Variants in CLASP1 observed in about 807,000 individuals in gnomAD.
CLASP1 encodes the protein CLIP-associating protein 1.
Under a neutral mutation model 192.3 loss-of-function variants are expected in CLASP1, and 38 were observed. The observed-to-expected ratio is 0.20, with a 90% CI of 0.15 to 0.26. CLASP1 has a LOEUF of 0.26. CLASP1 is among the 10% of genes least tolerant of loss of function. The probability of loss-of-function intolerance (pLI) is 1.00; values close to 1 mark genes in which losing one functional copy is unlikely to be tolerated. For missense variants in CLASP1, 1,433 were observed against 1,932.5 expected, an observed-to-expected ratio of 0.74 and a Z score of 4.85; for synonymous variants, 691 against 712.8, an observed-to-expected ratio of 0.97 and a Z score of 0.49.
At chr2:121,442,916 G>A (rs72969307) in intron 19 of CLASP1, among the ~76,000 whole-genome samples, 6,363 of 152,226 alleles carry the variant, frequency 0.042, 170 homozygotes, top group East Asian at 0.14. Flanking sequence ...TGGAAAACTC[G>A]TATTGAAAAG....
At chr2:121,407,972 C>G (rs2077166858) in intron 24 of CLASP1, 2 of 562,018 alleles carry the variant, frequency 3.6e-6, no homozygotes, top group South Asian at 3.2e-5. Context: ...TACAGGAAGA[C>G]AGACAGATCA....
intron 14 of CLASP1, among the ~76,000 whole-genome samples, chr2:121,457,458 T>TACAC (rs112547655): frequency 0.068 from 9,778 of 143,462 alleles, 578 homozygotes; most frequent in African/African-American, 0.16. Flanking sequence ...CACACAGACA[T>TACAC]ACACACACAC....
In CLASP1 at chr2:121,422,908, T is replaced by C. The variant is rs889753235; in HGVS notation, c.2212+2231A>G. Among the ~76,000 whole-genome samples the C allele has an allele frequency of 4.6e-5, 7 of 152,244 alleles. No homozygotes were observed. The East Asian group carries it at 5.8e-4, about 13-fold the overall frequency. ...GTTGGTTTGGGAATTATAGAAAATA[T>C]TCCTAAAAGATGTTCCTCCTCTTTT... On this transcript the variant is annotated intron_variant, in intron 22 of 39. Coordinates refer to ENST00000263710, the Ensembl canonical transcript of CLASP1.
At chr2:121,458,760 T>C in intron 13 of CLASP1, 80 bp downstream of exon 13, 2 of 1,113,528 alleles carry the variant, frequency 1.8e-6, no homozygotes, top group Non-Finnish European at 2.4e-6. Context: ...ATAATTATGT[T>C]AACAAAAATG....
chr2:121,529,139 T>C (rs1453929642), intron 3 of CLASP1, among the ~76,000 whole-genome samples: 1 of 152,220 alleles, frequency 6.6e-6, no homozygotes, highest in Non-Finnish European at 1.5e-5. Flanking sequence ...CTCCAGTATA[T>C]GTGTTTGGGG....
intron 31 of CLASP1, 50 bp from the exon 33 acceptor site, chr2:121,387,278 A>G (rs547402686): frequency 1.6e-6 from 2 of 1,221,838 alleles, no homozygotes; most frequent in Non-Finnish European, 2.2e-6. Context: ...TATATAGAAT[A>G]TATTCTATTC....
At chr2:121,394,122 C>A (rs1278653318) in intron 30 of CLASP1, among the ~76,000 whole-genome samples, 1 of 152,126 alleles carries the variant, frequency 6.6e-6, no homozygotes, top group African/African-American at 2.4e-5. Flanking sequence ...CCTCTCCCAC[C>A]CTTAGAGTGA....
intron 8 of CLASP1, among the ~76,000 whole-genome samples, chr2:121,501,070 T>G (rs1008228555): frequency 6.6e-6 from 1 of 152,206 alleles, no homozygotes; most frequent in African/African-American, 2.4e-5. Flanking sequence ...ATAGGGTATA[T>G]GTACACACTC....
At position 121,448,906 on chromosome 2, in the gene CLASP1, TA is replaced by T. The variant is rs2084892534; in HGVS notation, c.1691+46del. On this transcript the variant is annotated intron_variant, in intron 17 of 39. Coordinates refer to ENST00000263710, the Ensembl canonical transcript of CLASP1. ...TTTGTGTTTTCATGTGACAAACTTT[TA>T]AATACAAATTCTCACATGAATGATA... 3.8e-6 allele frequency: 6 copies of T among 1,572,760 alleles called. No individual in the cohort carries two copies. The African/African-American group carries it at 8.1e-5, about 21-fold the overall frequency.
chr2:121,455,767 C>T (rs117877967), intron 14 of CLASP1, among the ~76,000 whole-genome samples: 5,784 of 152,122 alleles, frequency 0.038, 157 homozygotes, highest in East Asian at 0.14. Flanking sequence ...GAGACTGAGG[C>T]GGGAGGATCA....
intron 37 of CLASP1, among the ~76,000 whole-genome samples, chr2:121,357,541 G>C (rs991040010): frequency 2.6e-5 from 4 of 152,088 alleles, no homozygotes; most frequent in African/African-American, 9.7e-5. Flanking sequence ...CAAACTCAAA[G>C]GTTTTGACAT....
At chr2:121,451,664 A>G in intron 15 of CLASP1, 126 bp downstream of exon 15, 1 of 699,438 alleles carries the variant, frequency 1.4e-6, no homozygotes, top group South Asian at 1.8e-5. Context: ...AAAACAACAG[A>G]CGTAGTCATG....
intron 1 of CLASP1, among the ~76,000 whole-genome samples, chr2:121,614,882 T>C (rs1384930034): frequency 1.3e-5 from 2 of 152,182 alleles, no homozygotes; most frequent in Non-Finnish European, 2.9e-5. Context: ...AACTAGTAGA[T>C]TTAACAAGTA....
chr2:121,645,028 G>C (rs1355735925), intron 1 of CLASP1, among the ~76,000 whole-genome samples: 1 of 150,734 alleles, frequency 6.6e-6, no homozygotes, highest in South Asian at 2.1e-4. Context: ...AACCAGGAAA[G>C]GACTAACCAT....
At chr2:121,634,307 T>C (rs1462938340) in intron 1 of CLASP1, among the ~76,000 whole-genome samples, 1 of 152,220 alleles carries the variant, frequency 6.6e-6, no homozygotes, top group East Asian at 1.9e-4. Flanking sequence ...ACACAGTTTG[T>C]TCAATCTCTA....
intron 8 of CLASP1, among the ~76,000 whole-genome samples, chr2:121,475,277 T>C (rs2091455693): frequency 6.6e-6 from 1 of 152,242 alleles, no homozygotes; most frequent in Admixed American, 6.5e-5. Flanking sequence ...AAAAACCAAC[T>C]GAGCCAATTA....
intron 1 of CLASP1, among the ~76,000 whole-genome samples, chr2:121,647,946 A>C (rs1025770245): frequency 6.6e-6 from 1 of 152,264 alleles, no homozygotes; most frequent in African/African-American, 2.4e-5. Context: ...ACAATGAATT[A>C]TAGAAACTGA....
intron 2 of CLASP1, among the ~76,000 whole-genome samples, chr2:121,537,988 A>C (rs902297393): frequency 2.0e-5 from 3 of 152,228 alleles, no homozygotes; most frequent in Non-Finnish European, 4.4e-5. Context: ...TCAAACCTAC[A>C]AAAAGCATCA....
chr2:121,434,039 G>C (rs2081920545), intron 19 of CLASP1, among the ~76,000 whole-genome samples: 1 of 152,130 alleles, frequency 6.6e-6, no homozygotes, highest in South Asian at 2.1e-4. Flanking sequence ...GGAATTTTTG[G>C]AGTATCTTTT....
Sources: gnomAD v4.1 joint callset for allele counts (sites outside exome capture counted in the v4.1 genomes callset) on GRCh38, gnomAD v4.1.1 for gene constraint, MANE v1.5 for transcripts, NCBI Gene and HGNC (gene_info 2026-07-23, HGNC 2026-07-21) for gene names.